CDCP1: variants seen among roughly 807,000 people sequenced by gnomAD.
CDCP1 encodes the protein CUB domain containing protein 1, also known as CUB domain-containing protein 1.
A neutral mutation model predicts 60.2 loss-of-function variants in CDCP1; 29 were observed. That is an observed-to-expected ratio of 0.48 (90% CI 0.36 to 0.66). The LOEUF is 0.66. Among genes scored for constraint, CDCP1 ranks in the 30% least tolerant of loss-of-function variants. CDCP1 has a pLI of 0.00. For missense variants in CDCP1, 876 were observed against 1,074.3 expected, an observed-to-expected ratio of 0.82 and a Z score of 2.58; for synonymous variants, 387 against 431.1, an observed-to-expected ratio of 0.90 and a Z score of 1.27.
chr3:45,107,888 G>A (rs9835787), intron 4 of CDCP1, among the ~76,000 whole-genome samples: 38 of 152,118 alleles, frequency 2.5e-4, no homozygotes, highest in Non-Finnish European at 2.2e-4. Flanking sequence ...TGGCCGAGGC[G>A]GGTGGATCAC....
intron 1 of CDCP1, among the ~76,000 whole-genome samples, chr3:45,134,504 C>T (rs1240028599): frequency 6.6e-6 from 1 of 152,202 alleles, no homozygotes; most frequent in Non-Finnish European, 1.5e-5. Context: ...GGGTGTATTG[C>T]CATCCCAGAG....
chr3:45,110,919 G>A, intron 3 of CDCP1, 78 bp from the exon 4 acceptor site: 2 of 1,494,810 alleles, frequency 1.3e-6, no homozygotes, highest in Non-Finnish European at 1.8e-6. Flanking sequence ...CCGAGGGGTG[G>A]GGGTGTAGGA....
At position 45,084,751 on chromosome 3, in the gene CDCP1, CA is replaced by C. The variant is rs1331773218; in HGVS notation, c.*886del. On this transcript the variant is annotated 3_prime_UTR_variant, in exon 9 of 9. Coordinates refer to ENST00000296129, the MANE Select transcript of CDCP1 (RefSeq NM_022842.5). The stretch of plus-strand genomic sequence containing the variant: ...TTGCAGTGGCAACAGAAAACTAATG[CA>C]GGGGGCCACTGTTTGGTATATATTT... 2 of 152,624 alleles carry C rather than the reference CA, an allele frequency of 1.3e-5. No individual in the cohort carries two copies. The highest frequency in any genetic ancestry group is 2.9e-5 in the Non-Finnish European group (2 of 68,032). 9.5% of individuals were successfully genotyped at this position (152,624 alleles called of 1,614,324 possible). A position where few individuals can be genotyped will look rare whatever the true frequency, so the allele number is the denominator to read the frequency against.
chr3:45,136,913 T>C (rs1018234131), intron 1 of CDCP1, among the ~76,000 whole-genome samples: 1 of 152,200 alleles, frequency 6.6e-6, no homozygotes, highest in Admixed American at 6.5e-5. Flanking sequence ...CTGGAGGAAC[T>C]TCGCAGGGTG....
chr3:45,124,354 C>T (rs1698938119), intron 1 of CDCP1, among the ~76,000 whole-genome samples: 1 of 152,152 alleles, frequency 6.6e-6, no homozygotes, highest in Middle Eastern at 3.2e-3. Context: ...AACAAGTTGC[C>T]TCAATTCTGG....
chr3:45,136,307 A>T (rs1013699500), intron 1 of CDCP1, among the ~76,000 whole-genome samples: 9 of 152,224 alleles, frequency 5.9e-5, no homozygotes, highest in Non-Finnish European at 4.4e-5. Flanking sequence ...CTGTGGGTCA[A>T]AGTACTTTCC....
intron 4 of CDCP1, among the ~76,000 whole-genome samples, chr3:45,101,375 C>G (rs750180257): frequency 1.3e-5 from 2 of 152,170 alleles, no homozygotes; most frequent in Non-Finnish European, 2.9e-5. Flanking sequence ...GATTACAAAG[C>G]CTGTGCTATT....
intron 4 of CDCP1, among the ~76,000 whole-genome samples, chr3:45,108,277 C>T (rs149142233): frequency 1.8e-3 from 271 of 152,176 alleles, no homozygotes; most frequent in Non-Finnish European, 3.4e-3. Flanking sequence ...GCAGTCCAGC[C>T]CAACCTAAAT....
intron 7 of CDCP1, among the ~76,000 whole-genome samples, chr3:45,090,234 A>C (rs116111815): frequency 0.017 from 2,658 of 152,298 alleles, 22 homozygotes; most frequent in Non-Finnish European, 0.028. Context: ...CAGCCTCCAC[A>C]GTCCCTTCTG....
intron 2 of CDCP1, among the ~76,000 whole-genome samples, chr3:45,115,705 T>C (rs1698777502): frequency 6.6e-6 from 1 of 152,048 alleles, no homozygotes; most frequent in Admixed American, 6.6e-5. Context: ...GTATTTCTTT[T>C]TTTTTTAAAT....
intron 8 of CDCP1, among the ~76,000 whole-genome samples, chr3:45,087,610 T>TG (rs1698216974): frequency 6.6e-6 from 1 of 152,188 alleles, no homozygotes; most frequent in Non-Finnish European, 1.5e-5. Context: ...CCACTTCTCA[T>TG]GGGGAAAAGA....
chr3:45,120,177 C>T (rs1471138616), intron 1 of CDCP1, among the ~76,000 whole-genome samples: 2 of 152,220 alleles, frequency 1.3e-5, no homozygotes, highest in Non-Finnish European at 2.9e-5. Flanking sequence ...GGATGTACTT[C>T]TGCCAGCTGC....
chr3:45,126,209 T>TCCTC (rs1698996688), intron 1 of CDCP1, among the ~76,000 whole-genome samples: 1 of 148,526 alleles, frequency 6.7e-6, no homozygotes, highest in Non-Finnish European at 1.5e-5. Flanking sequence ...TTTCTTTCCT[T>TCCTC]CCTTCCTTCT....
At chr3:45,096,379 C>T (rs1016703664) in intron 4 of CDCP1, among the ~76,000 whole-genome samples, 1 of 152,062 alleles carries the variant, frequency 6.6e-6, no homozygotes, top group Non-Finnish European at 1.5e-5. Flanking sequence ...AATCCTAGCA[C>T]TTTGGGAGGC....
In CDCP1 at chr3:45,106,400, C is replaced by G. The variant is rs570504820; in HGVS notation, c.1024+4073G>C. On this transcript the variant is annotated intron_variant, in intron 4 of 8. Coordinates refer to ENST00000296129, the MANE Select transcript of CDCP1 (RefSeq NM_022842.5). ...ATGCCCTTCTCCTTGTCTGCCCCAC[C>G]ACCAAGCAGCTGCTCTCATGGGTGC... Among the ~76,000 whole-genome samples, 61 of 152,300 alleles carry G rather than the reference C, an allele frequency of 4.0e-4. 1 individual carries two copies. The highest frequency in any genetic ancestry group is 1.4e-3 in the African/African-American group (60 of 41,556).
At chr3:45,095,305 C>G (rs745623723) in intron 5 of CDCP1, 42 bp downstream of exon 5, 4 of 1,569,150 alleles carry the variant, frequency 2.5e-6, no homozygotes, top group Admixed American at 3.4e-5. Flanking sequence ...GAGAGAAGAG[C>G]TATCCATGGC....
intron 4 of CDCP1, among the ~76,000 whole-genome samples, chr3:45,107,962 CA>C (rs1457393115): frequency 6.6e-6 from 1 of 151,746 alleles, no homozygotes; most frequent in African/African-American, 2.4e-5. Flanking sequence ...ACTAAAAATA[CA>C]AAAAATTAGT....
chr3:45,102,510 A>AAAG (rs1402194339), intron 4 of CDCP1, among the ~76,000 whole-genome samples: 1 of 151,724 alleles, frequency 6.6e-6, no homozygotes, highest in African/African-American at 2.4e-5. Context: ...CCTTGGTTAA[A>AAAG]AAGAAAATTA....
At chr3:45,122,249 T>G (rs1698898851) in intron 1 of CDCP1, among the ~76,000 whole-genome samples, 1 of 151,600 alleles carries the variant, frequency 6.6e-6, no homozygotes, top group Non-Finnish European at 1.5e-5. Flanking sequence ...GCTCAAGCTA[T>G]TCTCCTGCCT....
Sources: gnomAD v4.1 joint callset for allele counts (sites outside exome capture counted in the v4.1 genomes callset) on GRCh38, gnomAD v4.1.1 for gene constraint, MANE v1.5 for transcripts, NCBI Gene and HGNC (gene_info 2026-07-23, HGNC 2026-07-21) for gene names.